Variants in TENM3 observed in about 807,000 individuals in gnomAD.
The protein encoded by TENM3 is teneurin transmembrane protein 3.
In TENM3, 63 loss-of-function variants were observed where a neutral mutation model predicts 255.1. The ratio of observed to expected loss-of-function variants is 0.25; its 90% CI spans 0.20 to 0.30. The LOEUF (loss-of-function observed/expected upper bound fraction) is 0.30, where lower values mean the gene tolerates loss of function less well. Among genes scored for constraint, TENM3 ranks in the 10% least tolerant of loss-of-function variants. The pLI is 1.00. For synonymous variants in TENM3, 1,306 were observed against 1,322.3 expected, an observed-to-expected ratio of 0.99 and a Z score of 0.27; for missense variants, 2,929 against 3,461.1, an observed-to-expected ratio of 0.85 and a Z score of 3.86.
intron 3 of TENM3, among the ~76,000 whole-genome samples, chr4:182,564,648 G>A (rs763659518): frequency 1.2e-4 from 18 of 150,864 alleles, no homozygotes; most frequent in Non-Finnish European, 2.1e-4. Context: ...AAATATTGAA[G>A]GCATATTTGT....
At chr4:182,557,989 A>G (rs1039806990) in intron 3 of TENM3, among the ~76,000 whole-genome samples, 35 of 152,162 alleles carry the variant, frequency 2.3e-4, no homozygotes, top group African/African-American at 6.8e-4. Flanking sequence ...TCTTTGGAGT[A>G]TTAGAAAGAG....
At chr4:182,660,215 A>G (rs1166310346) in intron 6 of TENM3, among the ~76,000 whole-genome samples, 1 of 152,214 alleles carries the variant, frequency 6.6e-6, no homozygotes, top group Non-Finnish European at 1.5e-5. Flanking sequence ...CTGTATACCA[A>G]GCTCTTGGCA....
chr4:181,917,668 T>TC, the TENM3 span, among the ~76,000 whole-genome samples: 9 of 149,530 alleles, frequency 6.0e-5, no homozygotes, highest in African/African-American at 2.2e-4. Context: ...TTTTTCTTTT[T>TC]TTTTTTTTTT....
chr4:182,181,417 G>A (rs1003689496), intron 1 of TENM3, among the ~76,000 whole-genome samples: 2 of 152,144 alleles, frequency 1.3e-5, no homozygotes, highest in Admixed American at 6.6e-5. Flanking sequence ...TTTAATCTGC[G>A]GGAGCCGCGG....
chr4:182,605,241 A>G (rs1041928124), intron 4 of TENM3, among the ~76,000 whole-genome samples: 11 of 152,182 alleles, frequency 7.2e-5, no homozygotes, highest in African/African-American at 2.4e-4. Flanking sequence ...TAAAGATACA[A>G]CTTCAAGTAA....
At chr4:181,801,649 AAAATATATATATATATATATAT>A in the TENM3 span, among the ~76,000 whole-genome samples, 1 of 113,428 alleles carries the variant, frequency 8.8e-6, no homozygotes, top group Non-Finnish European at 1.8e-5. Context: ...AAAGAATTGT[AAAATATATATATATATATATAT>A]ATATATATAT....
chr4:181,971,442 G>C, the TENM3 span, among the ~76,000 whole-genome samples: 1 of 152,202 alleles, frequency 6.6e-6, no homozygotes, highest in Admixed American at 6.5e-5. Context: ...GCCAAATCTA[G>C]AAAAATTCAT....
Position 182,600,919 on chromosome 4 carries a change from T to C in TENM3, c.512-5T>C, listed in dbSNP as rs1443746294. 6 of 1,339,406 alleles carry C rather than the reference T, an allele frequency of 4.5e-6. No homozygotes were observed. The highest frequency in any genetic ancestry group is 6.1e-6 in the Non-Finnish European group (6 of 984,970). 83.0% of individuals were successfully genotyped at this position (1,339,406 alleles called of 1,614,324 possible). On this transcript the variant is annotated splice_region_variant and splice_polypyrimidine_tract_variant and intron_variant, in intron 3 of 27. Coordinates refer to ENST00000511685, the MANE Select transcript of TENM3 (RefSeq NM_001080477.4). ...TTTCTTTTTTTTTTTTTTTTTTTTT[T>C]TCAGAGCAACCTGCAAGCAATCAAG...
At chr4:182,629,288 C>G (rs942892893) in intron 5 of TENM3, among the ~76,000 whole-genome samples, 2 of 152,146 alleles carry the variant, frequency 1.3e-5, no homozygotes, top group African/African-American at 2.4e-5. Flanking sequence ...TTGTAAGTCT[C>G]TCAGCTCACT....
the TENM3 span, among the ~76,000 whole-genome samples, chr4:181,680,870 C>G: frequency 1.3e-5 from 2 of 151,962 alleles, no homozygotes; most frequent in Non-Finnish European, 2.9e-5. Context: ...CTCAATTATC[C>G]AAATAATTAT....
At chr4:182,403,143 C>T (rs1769319566) in intron 3 of TENM3, among the ~76,000 whole-genome samples, 1 of 152,188 alleles carries the variant, frequency 6.6e-6, no homozygotes. Context: ...CTTTCAGACA[C>T]AGTTTGGCAA....
intron 4 of TENM3, among the ~76,000 whole-genome samples, chr4:182,606,047 T>C (rs188102694): frequency 1.4e-3 from 219 of 152,312 alleles, no homozygotes; most frequent in Middle Eastern, 6.8e-3. Context: ...GCTCCAGACT[T>C]GAACATTTCT....
the TENM3 span, among the ~76,000 whole-genome samples, chr4:181,630,593 T>C: frequency 6.6e-6 from 1 of 152,220 alleles, no homozygotes; most frequent in South Asian, 2.1e-4. Context: ...CATTTCGTTA[T>C]GTACCCAGTA....
In TENM3 at chr4:182,161,765, ATGTG is replaced by A. The variant is rs1561153190; in HGVS notation, c.-76+17013_-76+17016del. ...TATATGTGTATATATATACATATATATGTGTATATATATATACACAAATATATGT... is the reference window on the plus strand; with the variant it reads ...TATATGTGTATATATATACATATATATATATATATATACACAAATATATGT... On this transcript the variant is annotated intron_variant, in intron 1 of 2. Coordinates refer to the TENM3 transcript ENST00000512480. Among the ~76,000 whole-genome samples the A allele has an allele frequency of 1.0e-3, 43 of 42,884 alleles. 7 individuals are homozygous for A. Among genetic ancestry groups the A allele is most frequent in the African/African-American group, 3.6e-3 (36 of 9,892 alleles). 28.1% of individuals were successfully genotyped at this position (42,884 alleles called of 152,430 possible).
the TENM3 span, among the ~76,000 whole-genome samples, chr4:181,804,500 C>CA: frequency 6.6e-6 from 1 of 152,016 alleles, no homozygotes; most frequent in Non-Finnish European, 1.5e-5. Context: ...AAGGTATACA[C>CA]AGAAGGAGAA....
the TENM3 span, among the ~76,000 whole-genome samples, chr4:181,796,469 G>A: frequency 1.3e-5 from 2 of 152,182 alleles, no homozygotes; most frequent in Non-Finnish European, 1.5e-5. Flanking sequence ...CTTGAAAGTG[G>A]GATAGCATTT....
the TENM3 span, among the ~76,000 whole-genome samples, chr4:181,677,305 A>G: frequency 2.0e-5 from 3 of 152,004 alleles, no homozygotes; most frequent in African/African-American, 7.2e-5. Context: ...GGCACTGAAA[A>G]CTTACCATGT....
At chr4:182,116,766 T>C in the TENM3 span, among the ~76,000 whole-genome samples, 3 of 152,220 alleles carry the variant, frequency 2.0e-5, no homozygotes, top group Admixed American at 6.5e-5. Context: ...TGAATAATAT[T>C]CCATGATCTG....
chr4:182,679,051 G>A (rs999190222), intron 7 of TENM3, among the ~76,000 whole-genome samples: 1 of 152,134 alleles, frequency 6.6e-6, no homozygotes, highest in African/African-American at 2.4e-5. Context: ...TCACCCCAGG[G>A]CCTGTCAGGG....
Sources: gnomAD v4.1 joint callset for allele counts (sites outside exome capture counted in the v4.1 genomes callset) on GRCh38, gnomAD v4.1.1 for gene constraint, MANE v1.5 for transcripts, NCBI Gene and HGNC (gene_info 2026-07-23, HGNC 2026-07-21) for gene names.